The following HTR7 variants were observed in gnomAD, a reference collection of about 807,000 sequenced individuals.
HTR7 encodes 5-HT-7.
Under a neutral mutation model 34.0 loss-of-function variants are expected in HTR7, and 16 were observed. The ratio of observed to expected loss-of-function variants is 0.47; its 90% CI spans 0.32 to 0.71. The LOEUF (loss-of-function observed/expected upper bound fraction) is 0.71, where lower values mean the gene tolerates loss of function less well. Among genes scored for constraint, HTR7 ranks in the 30% least tolerant of loss-of-function variants. The pLI is 0.04. For missense variants in HTR7, 504 were observed against 625.5 expected, an observed-to-expected ratio of 0.81 and a Z score of 2.07; for synonymous variants, 265 against 260.2, an observed-to-expected ratio of 1.02 and a Z score of -0.18.
chr10:90,786,225 G>A (rs749386219), intron 1 of HTR7, among the ~76,000 whole-genome samples: 9 of 152,174 alleles, frequency 5.9e-5, no homozygotes, highest in Non-Finnish European at 1.0e-4. Flanking sequence ...AACCATCGGG[G>A]TGCCCTAACA....
chr10:90,818,483 T>C (rs773267043), intron 1 of HTR7, among the ~76,000 whole-genome samples: 23 of 151,208 alleles, frequency 1.5e-4, no homozygotes, highest in African/African-American at 4.2e-4. Flanking sequence ...GAGGTGGAGG[T>C]TGCAGTGAGC....
Position 90,743,684 on chromosome 10 carries a change from G to C in HTR7, c.1302C>G (p.Ala434=), listed in dbSNP as rs775273920. 4.3e-6 allele frequency: 7 copies of C among 1,613,008 alleles called. No homozygotes were observed. In the Admixed American group the frequency reaches 1.2e-4, roughly 27 times the overall value. Residue 434 remains alanine, a synonymous_variant, in exon 3 of 4, where the codon GCC becomes GCG. Transcript: ENST00000336152. ...RPERPEFVLR[A]CTRRVLLRPE... Reference sequence around the variant, plus strand: ...GTCTCAACAGCACCCTCCTTGTGCAGGCCCTCCTGCAATTTATGGCAATTC... The same window carrying C: ...GTCTCAACAGCACCCTCCTTGTGCACGCCCTCCTGCAATTTATGGCAATTC...
At chr10:90,852,225 TA>T (rs1175397673) in intron 1 of HTR7, among the ~76,000 whole-genome samples, 3 of 134,324 alleles carry the variant, frequency 2.2e-5, no homozygotes, top group Non-Finnish European at 4.7e-5. Context: ...GTTTTTAATT[TA>T]AAAAAATAAT....
chr10:90,770,861 G>A (rs977910410), intron 1 of HTR7, among the ~76,000 whole-genome samples: 1 of 152,216 alleles, frequency 6.6e-6, no homozygotes, highest in Non-Finnish European at 1.5e-5. Flanking sequence ...GGCCAGGGAG[G>A]GCCTGAAGAC....
chr10:90,752,392 A>T (rs1418590056), intron 1 of HTR7, among the ~76,000 whole-genome samples: 1 of 152,190 alleles, frequency 6.6e-6, no homozygotes, highest in South Asian at 2.1e-4. Flanking sequence ...CTACTGAGGT[A>T]CATTTTTTAA....
At chr10:90,832,903 G>T (rs1444697927) in intron 1 of HTR7, among the ~76,000 whole-genome samples, 2 of 152,162 alleles carry the variant, frequency 1.3e-5, no homozygotes, top group African/African-American at 2.4e-5. Flanking sequence ...GTGCAAGGTG[G>T]GCCTACAAGC....
intron 1 of HTR7, among the ~76,000 whole-genome samples, chr10:90,817,753 A>G (rs2119995573): frequency 6.6e-6 from 1 of 152,354 alleles, no homozygotes; most frequent in East Asian, 1.9e-4. Flanking sequence ...GTCAGTCCAC[A>G]GAAAAACCGG....
intron 1 of HTR7, among the ~76,000 whole-genome samples, chr10:90,801,988 GTCTT>G (rs1417668429): frequency 2.6e-5 from 4 of 151,976 alleles, no homozygotes; most frequent in African/African-American, 9.7e-5. Context: ...ATTTTCCTTT[GTCTT>G]TCTGTGTTGT....
At chr10:90,805,162 G>A (rs555475285) in intron 1 of HTR7, among the ~76,000 whole-genome samples, 2 of 152,278 alleles carry the variant, frequency 1.3e-5, no homozygotes, top group South Asian at 4.1e-4. Flanking sequence ...TGTTAGGGGT[G>A]GCTGAAGACA....
intron 1 of HTR7, among the ~76,000 whole-genome samples, chr10:90,849,405 A>G (rs1354713620): frequency 6.6e-6 from 1 of 152,204 alleles, no homozygotes; most frequent in African/African-American, 2.4e-5. Context: ...TAAAAAAAAA[A>G]CACATATTAG....
At chr10:90,742,933 T>C (rs1307094916) in intron 3 of HTR7, among the ~76,000 whole-genome samples, 1 of 152,172 alleles carries the variant, frequency 6.6e-6, no homozygotes, top group Non-Finnish European at 1.5e-5. Flanking sequence ...AGGTGTGTTA[T>C]TGTAAGGTAT....
chr10:90,814,230 G>A lies in HTR7; in HGVS notation c.539+42903C>T, dbSNP rs77247914. On this transcript the variant is annotated intron_variant, in intron 1 of 3. Transcript: ENST00000336152. ...TACTTAGTAATGCCAAGTGGAGCAC[G>A]CCAGATGCAGCTGCTGATGTGCTTC... 7.1e-3 allele frequency among the ~76,000 whole-genome samples: 1,084 copies of A among 152,302 alleles called. 15 individuals are homozygous for A. The highest frequency in any genetic ancestry group is 0.024 in the African/African-American group (983 of 41,554).
At chr10:90,810,726 C>A (rs1419678635) in intron 1 of HTR7, among the ~76,000 whole-genome samples, 3 of 152,182 alleles carry the variant, frequency 2.0e-5, no homozygotes, top group Non-Finnish European at 4.4e-5. Context: ...CCTCTCTTCG[C>A]TTTCACTTGG....
At chr10:90,783,906 T>C (rs967199690) in intron 1 of HTR7, among the ~76,000 whole-genome samples, 1 of 152,206 alleles carries the variant, frequency 6.6e-6, no homozygotes, top group Non-Finnish European at 1.5e-5. Context: ...TCCAACTAGG[T>C]TGGTCCACCG....
chr10:90,788,357 G>A (rs1021775878), intron 1 of HTR7, among the ~76,000 whole-genome samples: 1 of 152,158 alleles, frequency 6.6e-6, no homozygotes, highest in African/African-American at 2.4e-5. Flanking sequence ...TTTAAACGGA[G>A]CTCTTCTGGA....
chr10:90,799,204 C>A (rs1053445084), intron 1 of HTR7, among the ~76,000 whole-genome samples: 1 of 152,134 alleles, frequency 6.6e-6, no homozygotes, highest in African/African-American at 2.4e-5. Context: ...TCTGGCCCAA[C>A]CAATCAGACC....
intron 1 of HTR7, among the ~76,000 whole-genome samples, chr10:90,803,768 C>T (rs1375191157): frequency 6.6e-6 from 1 of 152,160 alleles, no homozygotes; most frequent in Non-Finnish European, 1.5e-5. Flanking sequence ...GACTGCTTTG[C>T]ACTGCTTTGG....
intron 1 of HTR7, among the ~76,000 whole-genome samples, chr10:90,770,985 G>A (rs1054821024): frequency 6.6e-6 from 1 of 152,206 alleles, no homozygotes; most frequent in Non-Finnish European, 1.5e-5. Flanking sequence ...CCCATCTGAG[G>A]CCCATAAAAG....
intron 1 of HTR7, among the ~76,000 whole-genome samples, chr10:90,811,224 C>G (rs1483067765): frequency 1.3e-5 from 2 of 152,192 alleles, no homozygotes; most frequent in African/African-American, 4.8e-5. Flanking sequence ...GTCCAAACAA[C>G]TTGACCTTAC....
Sources: gnomAD v4.1 joint callset for allele counts (sites outside exome capture counted in the v4.1 genomes callset) on GRCh38, gnomAD v4.1.1 for gene constraint, MANE v1.5 for transcripts, NCBI Gene and HGNC (gene_info 2026-07-23, HGNC 2026-07-21) for gene names.